The following CFAP92 variants were observed in gnomAD, a reference collection of about 807,000 sequenced individuals.
The protein encoded by CFAP92 is uncharacterized protein CFAP92.
Under a neutral mutation model 106.3 loss-of-function variants are expected in CFAP92, and 86 were observed. The observed-to-expected ratio is 0.81, with a 90% confidence interval of 0.68 to 0.97. The LOEUF is 0.97. CFAP92 is among the 50% of genes least tolerant of loss of function. CFAP92 has a pLI of 0.00. For missense variants in CFAP92, 1,204 were observed against 1,283.8 expected (o/e 0.94, Z 0.95); for synonymous variants, 477 against 506.4 (o/e 0.94, Z 0.78).
chr3:128,985,677 A>T (rs1276616735), intron 4 of CFAP92, among the ~76,000 whole-genome samples: 1 of 152,204 alleles, frequency 6.6e-6, no homozygotes, highest in Non-Finnish European at 1.5e-5. Context: ...AGATCCAAAC[A>T]GGCCTGGAAT....
chr3:128,920,302 C>G (rs755506425), intron 12 of CFAP92, among the ~76,000 whole-genome samples: 1 of 152,126 alleles, frequency 6.6e-6, no homozygotes, highest in Non-Finnish European at 1.5e-5. Flanking sequence ...ATTCAGAAGG[C>G]TGAGGCAGGG....
intron 4 of CFAP92, among the ~76,000 whole-genome samples, chr3:128,984,687 C>T (rs1943741065): frequency 6.6e-6 from 1 of 152,186 alleles, no homozygotes; most frequent in Non-Finnish European, 1.5e-5. Context: ...CCTTAATAAA[C>T]TCCCTTTCAT....
chr3:129,017,180 A>T, the CFAP92 span, among the ~76,000 whole-genome samples: 1 of 152,318 alleles, frequency 6.6e-6, no homozygotes, highest in South Asian at 2.1e-4. Flanking sequence ...TTCTAAACCA[A>T]TCTGAAGGAA....
the CFAP92 span, among the ~76,000 whole-genome samples, chr3:129,023,084 T>G: frequency 1.1e-4 from 17 of 152,310 alleles, no homozygotes; most frequent in Admixed American, 1.1e-3. Context: ...TTTAGGGTGT[T>G]AAAAGGAAAA....
chr3:128,965,055 AAT>A (rs1197694455), intron 9 of CFAP92, among the ~76,000 whole-genome samples: 4 of 152,230 alleles, frequency 2.6e-5, no homozygotes, highest in Non-Finnish European at 5.9e-5. Flanking sequence ...CCACAAAAGA[AAT>A]AAAAACTGCC....
intron 4 of CFAP92, among the ~76,000 whole-genome samples, chr3:128,980,024 G>A (rs2107798352): frequency 6.8e-6 from 1 of 147,174 alleles, no homozygotes; most frequent in African/African-American, 2.5e-5. Flanking sequence ...AGGAAGAAAA[G>A]GAGCGAGGGA....
At chr3:128,982,806 C>T (rs1340713564) in intron 4 of CFAP92, among the ~76,000 whole-genome samples, 1 of 152,118 alleles carries the variant, frequency 6.6e-6, no homozygotes, top group Non-Finnish European at 1.5e-5. Context: ...GGAGAATGGC[C>T]GATCACTGGA....
At chr3:128,983,660 GT>G (rs1943665033) in intron 4 of CFAP92, among the ~76,000 whole-genome samples, 1 of 152,240 alleles carries the variant, frequency 6.6e-6, no homozygotes, top group Admixed American at 6.5e-5. Flanking sequence ...ATTGGATTCA[GT>G]GTTGAATTAT....
chr3:128,953,054 G>A (rs1244576552), intron 9 of CFAP92, among the ~76,000 whole-genome samples: 2 of 151,856 alleles, frequency 1.3e-5, no homozygotes, highest in Admixed American at 6.6e-5. Flanking sequence ...TGCACTGGGC[G>A]ACAGAGTAAG....
upstream of CFAP92, among the ~76,000 whole-genome samples, chr3:128,996,962 AAAG>A (rs1240353699): frequency 6.6e-6 from 1 of 152,242 alleles, no homozygotes; most frequent in African/African-American, 2.4e-5. Flanking sequence ...CCCAGAGGGC[AAAG>A]AAGAAGTTGC....
chr3:128,931,326 C>T lies in CFAP92; in HGVS notation c.2751+1374G>A, dbSNP rs924516502. ...GAGTAGCTGGGACTACAAGTACATG[C>T]CAGCATGCCCAGCTAATTTTCTGTA... On this transcript the variant is annotated intron_variant, in intron 12 of 15. Transcript: ENST00000645291. Among the ~76,000 whole-genome samples, 4 of 152,104 alleles carry T rather than the reference C, an allele frequency of 2.6e-5. 1 individual carries two copies. In the South Asian group the frequency reaches 8.3e-4, roughly 32 times the overall value.
chr3:128,949,387 A>T (rs1252992993), intron 9 of CFAP92, among the ~76,000 whole-genome samples: 2 of 152,260 alleles, frequency 1.3e-5, no homozygotes, highest in Non-Finnish European at 2.9e-5. Context: ...AAAAGGAAAG[A>T]ACTACCGATA....
At chr3:128,993,887 G>T (rs894047232) in intron 1 of CFAP92, 93 bp downstream of exon 1, 81 of 908,718 alleles carry the variant, frequency 8.9e-5, no homozygotes, top group Admixed American at 1.2e-4. Flanking sequence ...GCCGAAGAGG[G>T]AACACGCATC....
chr3:129,003,913 G>T (rs987797347), upstream of CFAP92: 2 of 1,344,538 alleles, frequency 1.5e-6, no homozygotes, highest in African/African-American at 1.5e-5. Flanking sequence ...CCCGCGCTGG[G>T]CGGCTGCGCC....
At chr3:129,005,073 C>T (rs754209222), upstream of CFAP92, among the ~76,000 whole-genome samples, 1 of 152,214 alleles carries the variant, frequency 6.6e-6, no homozygotes, top group Admixed American at 6.5e-5. Flanking sequence ...GCCTGCTGGC[C>T]GGCCTGACTA....
rs535167034 is a variant in CFAP92, at chr3:129,001,663, T to C, written n.117+911A>G. ...GTCAGCACGGGCGCGGAGGCCGGCA[T>C]GGAGGGCGCGGGAGGTGACCCGTAC... On this transcript the variant is annotated intron_variant and non_coding_transcript_variant, in intron 1 of 4. Coordinates refer to the CFAP92 transcript ENST00000510149. The C allele has an allele frequency of 5.6e-6, 8 of 1,417,368 alleles. No homozygotes were observed. The South Asian group carries it at 1.2e-4, about 21-fold the overall frequency. 87.8% of individuals were successfully genotyped at this position (1,417,368 alleles called of 1,614,324 possible).
At chr3:128,996,004 G>A (rs969292198), upstream of CFAP92, among the ~76,000 whole-genome samples, 1 of 152,210 alleles carries the variant, frequency 6.6e-6, no homozygotes, top group Non-Finnish European at 1.5e-5. Flanking sequence ...AGAGTGCAGA[G>A]GAAATGACAC....
chr3:128,935,803 A>G (rs1444497589), intron 10 of CFAP92, among the ~76,000 whole-genome samples: 1 of 152,232 alleles, frequency 6.6e-6, no homozygotes, highest in African/African-American at 2.4e-5. Flanking sequence ...CGGACAACAG[A>G]GTGAGACCCT....
At chr3:128,913,827 A>C (rs1936593672) in intron 15 of CFAP92, among the ~76,000 whole-genome samples, 1 of 152,172 alleles carries the variant, frequency 6.6e-6, no homozygotes, top group Non-Finnish European at 1.5e-5. Context: ...AGCATTTTGC[A>C]CAAAATGAAG....
Sources: allele counts gnomAD v4.1 joint callset (sites outside exome capture counted in the v4.1 genomes callset), GRCh38; gene constraint gnomAD v4.1.1; transcripts MANE v1.5; gene names NCBI Gene and HGNC (gene_info 2026-07-23, HGNC 2026-07-21).